Variants in FHIT observed in about 807,000 individuals in gnomAD.
FHIT encodes the protein bis(5'-adenosyl)-triphosphatase.
A neutral mutation model predicts 17.9 loss-of-function variants in FHIT; 19 were observed. The observed-to-expected ratio is 1.06, with a 90% CI of 0.74 to 1.56. The LOEUF (loss-of-function observed/expected upper bound fraction) is 1.56. Ranked by LOEUF, FHIT falls within the 40% of genes most tolerant of loss-of-function variation. FHIT has a pLI of 0.00. For missense variants in FHIT, 248 were observed against 189.2 expected, an observed-to-expected ratio of 1.31 and a Z score of -1.82; for synonymous variants, 81 against 69.7, an observed-to-expected ratio of 1.16 and a Z score of -0.81.
chr3:59,966,048 C>A (rs1452021409), intron 7 of FHIT, among the ~76,000 whole-genome samples: 1 of 152,130 alleles, frequency 6.6e-6, no homozygotes, highest in Non-Finnish European at 1.5e-5. Context: ...TAAACATGGC[C>A]ACATGCAAAG....
chr3:60,257,253 A>G (rs79985576), intron 5 of FHIT, among the ~76,000 whole-genome samples: 2,729 of 152,264 alleles, frequency 0.018, 84 homozygotes, highest in African/African-American at 0.06. Flanking sequence ...ATGTTCTTCT[A>G]ACATGTTTAG....
At chr3:60,279,893 A>G (rs137923445) in intron 5 of FHIT, among the ~76,000 whole-genome samples, 3,879 of 151,996 alleles carry the variant, frequency 0.026, 169 homozygotes, top group African/African-American at 0.089. Flanking sequence ...TTAGCCAGGT[A>G]TGGTGGCAGG....
At chr3:60,809,822 C>A (rs916326254) in intron 4 of FHIT, among the ~76,000 whole-genome samples, 2 of 152,170 alleles carry the variant, frequency 1.3e-5, no homozygotes, top group African/African-American at 2.4e-5. Context: ...AGCTACTGAA[C>A]AACTCAAGTC....
intron 4 of FHIT, among the ~76,000 whole-genome samples, chr3:60,590,799 C>T (rs952443113): frequency 3.3e-5 from 5 of 152,086 alleles, no homozygotes; most frequent in Admixed American, 2.0e-4. Context: ...TAGGAAGACA[C>T]AGCCAACTGA....
intron 8 of FHIT, among the ~76,000 whole-genome samples, chr3:59,845,010 C>G (rs111262348): frequency 0.015 from 2,296 of 152,194 alleles, 28 homozygotes; most frequent in South Asian, 0.022. Context: ...ATGACTTAGT[C>G]TCATAGGTTT....
intron 4 of FHIT, among the ~76,000 whole-genome samples, chr3:60,581,330 T>A (rs782396870): frequency 6.6e-6 from 1 of 152,120 alleles, no homozygotes; most frequent in South Asian, 2.1e-4. Flanking sequence ...AGATGAGAGA[T>A]GAACCTAGAG....
In FHIT at chr3:60,164,935, A is replaced by G. The variant is rs114386009; in HGVS notation, c.104-150783T>C. Among the ~76,000 whole-genome samples the G allele has an allele frequency of 2.2e-4, 34 of 152,312 alleles. 1 individual carries two copies. The highest frequency in any genetic ancestry group is 8.2e-4 in the African/African-American group (34 of 41,576). ...TCCAATTTTCCAGGACAGATAACCC[A>G]GTTAGAAACAACCGACTTGTGTGAA... On this transcript the variant is annotated intron_variant, in intron 5 of 9. Coordinates refer to ENST00000492590, the MANE Select transcript of FHIT (RefSeq NM_002012.4).
rs1000945139 is a variant in FHIT, at chr3:60,117,939, G to A, written c.104-103787C>T. 2.0e-5 allele frequency among the ~76,000 whole-genome samples: 3 copies of A among 152,132 alleles called. No homozygotes were observed. The South Asian group carries it at 6.2e-4, about 32-fold the overall frequency. On this transcript the variant is annotated intron_variant, in intron 5 of 9. Transcript: ENST00000492590. ...TCAGGCACCAGTGAAAATCAGGTCT[G>A]GTTGTGCATCAGAATCACCTGTGGA... is the stretch of plus-strand genomic sequence containing the variant.
At chr3:60,629,829 C>A (rs2039392576) in intron 4 of FHIT, among the ~76,000 whole-genome samples, 1 of 152,126 alleles carries the variant, frequency 6.6e-6, no homozygotes, top group Non-Finnish European at 1.5e-5. Flanking sequence ...AAACACAGTG[C>A]CCATTTAAAG....
chr3:59,785,911 G>T (rs901866712), intron 8 of FHIT, among the ~76,000 whole-genome samples: 2 of 152,164 alleles, frequency 1.3e-5, no homozygotes, highest in Non-Finnish European at 2.9e-5. Context: ...ATTTGAGTCA[G>T]TGCCCCACCT....
chr3:60,694,291 T>C (rs1372737134), intron 4 of FHIT, among the ~76,000 whole-genome samples: 1 of 147,342 alleles, frequency 6.8e-6, no homozygotes, highest in Non-Finnish European at 1.5e-5. Flanking sequence ...TGAAGCAACA[T>C]TAAATAAAAA....
At chr3:60,970,537 TTC>T (rs989301139) in intron 3 of FHIT, among the ~76,000 whole-genome samples, 5 of 152,156 alleles carry the variant, frequency 3.3e-5, no homozygotes, top group African/African-American at 7.2e-5. Flanking sequence ...TGTTCCTAAA[TTC>T]TCTTTTTGTC....
intron 5 of FHIT, among the ~76,000 whole-genome samples, chr3:60,106,606 G>A (rs1704425649): frequency 6.6e-6 from 1 of 152,146 alleles, no homozygotes; most frequent in Admixed American, 6.5e-5. Context: ...GGATAAGGGG[G>A]TACTGTTGTA....
intron 4 of FHIT, among the ~76,000 whole-genome samples, chr3:60,805,782 A>G (rs576878867): frequency 1.8e-4 from 27 of 152,030 alleles, no homozygotes; most frequent in African/African-American, 5.5e-4. Context: ...GATGGTCTCA[A>G]TCTCCTCACC....
At chr3:60,208,481 A>C (rs1024704498) in intron 5 of FHIT, among the ~76,000 whole-genome samples, 3 of 152,228 alleles carry the variant, frequency 2.0e-5, no homozygotes, top group African/African-American at 7.2e-5. Context: ...CTAAATGCCC[A>C]CATTATGAGA....
intron 3 of FHIT, among the ~76,000 whole-genome samples, chr3:60,836,303 C>G (rs73111751): frequency 0.075 from 11,423 of 152,096 alleles, 550 homozygotes; most frequent in African/African-American, 0.12. Context: ...AAATGAATTG[C>G]GAAGTGTTCT....
chr3:60,584,076 T>C (rs916397574), intron 4 of FHIT, among the ~76,000 whole-genome samples: 22 of 152,020 alleles, frequency 1.4e-4, no homozygotes, highest in African/African-American at 5.3e-4. Flanking sequence ...TACAGTTCCT[T>C]AGAGAAAATA....
At chr3:60,729,489 CA>C (rs2041984572) in intron 4 of FHIT, among the ~76,000 whole-genome samples, 1 of 152,102 alleles carries the variant, frequency 6.6e-6, no homozygotes, top group Admixed American at 6.5e-5. Context: ...CCTTTAAAAG[CA>C]AAACTTGAAA....
intron 4 of FHIT, among the ~76,000 whole-genome samples, chr3:60,722,306 T>C (rs1158937535): frequency 1.3e-5 from 2 of 152,200 alleles, no homozygotes; most frequent in African/African-American, 4.8e-5. Flanking sequence ...TATTGCAGAA[T>C]GCATGGAGAA....
Sources: allele counts gnomAD v4.1 joint callset (sites outside exome capture counted in the v4.1 genomes callset), GRCh38; gene constraint gnomAD v4.1.1; transcripts MANE v1.5; gene names NCBI Gene and HGNC (gene_info 2026-07-23, HGNC 2026-07-21).